Variants in CPA6 observed in about 807,000 individuals in gnomAD.
The protein encoded by CPA6 is carboxypeptidase A6, also known as carboxypeptidase B.
Under a neutral mutation model 63.3 loss-of-function variants are expected in CPA6, and 58 were observed. The observed-to-expected ratio is 0.92, with a 90% CI of 0.74 to 1.14. CPA6 has a LOEUF of 1.14. Ranked by LOEUF, CPA6 falls within the 50% of genes most tolerant of loss-of-function variation. The probability of loss-of-function intolerance (pLI) is 0.00; values close to 1 mark genes in which losing one functional copy is unlikely to be tolerated. For missense variants in CPA6, 565 were observed against 526.6 expected (o/e 1.07, Z -0.71); for synonymous variants, 185 against 179.0 (o/e 1.03, Z -0.27).
intron 2 of CPA6, among the ~76,000 whole-genome samples, chr8:67,541,413 C>T (rs994095159): frequency 6.6e-6 from 1 of 152,100 alleles, no homozygotes; most frequent in Non-Finnish European, 1.5e-5. Flanking sequence ...AGTTAAAGAT[C>T]GACCCCTGAT....
chr8:67,681,200 C>CTTTTTTTTTTT (rs1007305743), intron 1 of CPA6, among the ~76,000 whole-genome samples: 1,681 of 89,844 alleles, frequency 0.019, 455 homozygotes, highest in African/African-American at 0.081. Context: ...CAAAGATTTT[C>CTTTTTTTTTTT]TTTTTTTTTT....
rs184588625 is a variant in CPA6 at position 67,442,839 on chromosome 8, C to T, written c.839-8599G>A. Among the ~76,000 whole-genome samples, 12 of 152,266 alleles carry T rather than the reference C, an allele frequency of 7.9e-5. No individual in the cohort carries two copies. In the East Asian group the frequency reaches 9.7e-4, roughly 12 times the overall value. On this transcript the variant is annotated intron_variant, in intron 8 of 10. Coordinates refer to ENST00000297770, the MANE Select transcript of CPA6 (RefSeq NM_020361.5). The stretch of plus-strand genomic sequence containing the variant: ...TCAAGCCCACATTTCCCCACAGCTG[C>T]GCCTCGCCAATGACTGATCATAGTA...
intron 1 of CPA6, among the ~76,000 whole-genome samples, chr8:67,658,596 C>G (rs1259333462): frequency 6.6e-6 from 1 of 152,150 alleles, no homozygotes; most frequent in Non-Finnish European, 1.5e-5. Flanking sequence ...ATCTCCACAT[C>G]AAACCTCTCT....
chr8:67,443,826 G>A (rs1471618066), intron 8 of CPA6, among the ~76,000 whole-genome samples: 1 of 152,188 alleles, frequency 6.6e-6, no homozygotes. Context: ...GATATTGACA[G>A]CTGGAGGTAG....
chr8:67,458,863 G>A lies in CPA6; in HGVS notation c.839-24623C>T, dbSNP rs571389111. Among the ~76,000 whole-genome samples the A allele has an allele frequency of 3.9e-5, 6 of 152,348 alleles. No individual in the cohort carries two copies. In the South Asian group the frequency reaches 1.2e-3, roughly 32 times the overall value. ...AAGATGCCACTACACACCAATTTGA[G>A]TGGTCAAAATCTAGAACACTGACAA... On this transcript the variant is annotated intron_variant, in intron 8 of 10. Coordinates refer to ENST00000297770, the MANE Select transcript of CPA6 (RefSeq NM_020361.5).
intron 2 of CPA6, among the ~76,000 whole-genome samples, chr8:67,608,253 G>A (rs755314138): frequency 5.9e-5 from 9 of 152,168 alleles, no homozygotes; most frequent in South Asian, 4.1e-4. Context: ...TTTTCATGCC[G>A]AAATATTGCC....
chr8:67,498,721 G>A (rs1006045983), intron 6 of CPA6, among the ~76,000 whole-genome samples: 2 of 151,888 alleles, frequency 1.3e-5, no homozygotes, highest in Non-Finnish European at 2.9e-5. Flanking sequence ...ATATGATATT[G>A]GTAATGGTTT....
At chr8:67,639,599 G>A (rs775048636) in intron 1 of CPA6, among the ~76,000 whole-genome samples, 21 of 151,620 alleles carry the variant, frequency 1.4e-4, no homozygotes, top group Non-Finnish European at 2.4e-4. Flanking sequence ...GCCAGGAACT[G>A]CAGAGCCCTA....
chr8:67,522,052 C>T (rs181833773), intron 2 of CPA6, among the ~76,000 whole-genome samples: 19 of 152,250 alleles, frequency 1.2e-4, no homozygotes, highest in Admixed American at 4.6e-4. Context: ...CGGTGAAACC[C>T]GATCTTCATG....
chr8:67,446,845 T>C (rs1810427744), intron 8 of CPA6, among the ~76,000 whole-genome samples: 1 of 152,186 alleles, frequency 6.6e-6, no homozygotes. Flanking sequence ...ATGACCCATG[T>C]TAAAAACTGA....
At position 67,559,256 on chromosome 8, in the gene CPA6, T is replaced by C. The variant is rs192433309; in HGVS notation, c.193-41209A>G. 4.6e-3 allele frequency among the ~76,000 whole-genome samples: 701 copies of C among 152,304 alleles called. 6 individuals are homozygous for C. The highest frequency in any genetic ancestry group is 8.2e-3 in the Non-Finnish European group (556 of 68,022). ...TATATGTGACCTCATAAGATCAGTATCAAATTTTATCTAGACTGTTCAGGG... is the reference window on the plus strand; with the variant it reads ...TATATGTGACCTCATAAGATCAGTACCAAATTTTATCTAGACTGTTCAGGG... On this transcript the variant is annotated intron_variant, in intron 2 of 10. Transcript: ENST00000297770.
intron 8 of CPA6, among the ~76,000 whole-genome samples, chr8:67,461,518 G>C (rs548858564): frequency 3.9e-5 from 6 of 152,084 alleles, no homozygotes; most frequent in East Asian, 1.9e-4. Flanking sequence ...ACCTTTCCCC[G>C]CTTTCTATTC....
At chr8:67,532,297 T>C (rs1222282262) in intron 2 of CPA6, among the ~76,000 whole-genome samples, 3 of 152,134 alleles carry the variant, frequency 2.0e-5, no homozygotes, top group African/African-American at 7.2e-5. Context: ...AAATGACCGA[T>C]GTTAGCAATA....
rs149633567 is a variant in CPA6, at chr8:67,675,318, C to G, written c.117-51067G>C. The stretch of plus-strand genomic sequence containing the variant: ...GTTGCTCTTGGCATTGCTGCTGTGA[C>G]TCTCCTCCTGTCTTCACAATCGAGG... On this transcript the variant is annotated intron_variant, in intron 1 of 10. Coordinates refer to ENST00000297770, the MANE Select transcript of CPA6 (RefSeq NM_020361.5). Among the ~76,000 whole-genome samples, 30 of 152,274 alleles carry G rather than the reference C, an allele frequency of 2.0e-4. No individual in the cohort carries two copies. The Middle Eastern group carries it at 0.01, about 52-fold the overall frequency.
chr8:67,436,950 A>C (rs568980752), intron 8 of CPA6, among the ~76,000 whole-genome samples: 1 of 152,336 alleles, frequency 6.6e-6, no homozygotes, highest in East Asian at 1.9e-4. Flanking sequence ...AATTGGGCTA[A>C]ATCTTGAGGA....
intron 6 of CPA6, among the ~76,000 whole-genome samples, chr8:67,491,393 T>C (rs912539356): frequency 6.6e-6 from 1 of 152,158 alleles, no homozygotes; most frequent in African/African-American, 2.4e-5. Flanking sequence ...TCTCCTCATC[T>C]TGTATATTCT....
At chr8:67,649,733 G>C (rs1365115487) in intron 1 of CPA6, among the ~76,000 whole-genome samples, 1 of 152,098 alleles carries the variant, frequency 6.6e-6, no homozygotes, top group Non-Finnish European at 1.5e-5. Flanking sequence ...GTATAGCTAT[G>C]ACCGCCTGTG....
chr8:67,573,882 A>G (rs112279947), intron 2 of CPA6, among the ~76,000 whole-genome samples: 1,665 of 107,638 alleles, frequency 0.015, 23 homozygotes, highest in Non-Finnish European at 0.023. Flanking sequence ...ACAGAGCAAG[A>G]CTCCGTCTCA....
chr8:67,485,800 C>T (rs1436953433), intron 6 of CPA6, among the ~76,000 whole-genome samples: 2 of 152,148 alleles, frequency 1.3e-5, no homozygotes, highest in African/African-American at 4.8e-5. Context: ...GTAAACACTC[C>T]TATCTGCAGT....
Sources: allele counts gnomAD v4.1 joint callset (sites outside exome capture counted in the v4.1 genomes callset), GRCh38; gene constraint gnomAD v4.1.1; transcripts MANE v1.5; gene names NCBI Gene and HGNC (gene_info 2026-07-23, HGNC 2026-07-21).